The following MIA2 variants were observed in gnomAD, a reference collection of about 807,000 sequenced individuals.
MIA2 encodes the protein melanoma inhibitory activity protein 2.
MIA2 carries 127 observed loss-of-function variants against 167.8 expected under a neutral mutation model. That is an observed-to-expected ratio of 0.76 (90% CI 0.66 to 0.88). The LOEUF (loss-of-function observed/expected upper bound fraction) is 0.88, where lower values mean the gene tolerates loss of function less well. MIA2 is among the 40% of genes least tolerant of loss of function. The pLI, the probability that MIA2 is intolerant of heterozygous loss-of-function variation, is 0.00. For missense variants in MIA2, 1,690 were observed against 1,624.7 expected, an observed-to-expected ratio of 1.04 and a Z score of -0.69; for synonymous variants, 552 against 541.9, an observed-to-expected ratio of 1.02 and a Z score of -0.26.
chr14:39,279,502 A>G lies in MIA2; in HGVS notation c.2095A>G (p.Lys699Glu). Residue 699 changes from lysine (K) to glutamate (E), a missense_variant, in exon 9 of 29, where the codon AAA (lysine) becomes GAA (glutamate). By Grantham distance (56) the Lys-to-Glu change is moderately conservative. Transcript: ENST00000640607. ...TTCTGGACTAATTGAAGAAAAAAGT[A>G]AACTACTTGAAAAATTTAGCCTTGT... is the stretch of plus-strand genomic sequence containing the variant. ...MLSGLIEEKS[K>E]LLEKFSLVQK... The G allele has an allele frequency of 1.2e-6, 2 of 1,607,708 alleles. No individual in the cohort carries two copies. Among genetic ancestry groups the G allele is most frequent in the Non-Finnish European group, 1.7e-6 (2 of 1,178,688 alleles).
intron 4 of MIA2, among the ~76,000 whole-genome samples, chr14:39,250,103 A>G (rs1284832565): frequency 6.6e-6 from 1 of 152,236 alleles, no homozygotes; most frequent in Non-Finnish European, 1.5e-5. Flanking sequence ...ATCCTAAAGG[A>G]ATATTTATGA....
chr14:39,301,049 C>T (rs1012164736), intron 14 of MIA2, among the ~76,000 whole-genome samples: 17 of 4,950 alleles, frequency 3.4e-3, no homozygotes, highest in African/African-American at 5.0e-3. Context: ...TACACACACA[C>T]ACACACACAC....
At chr14:39,260,524 C>G (rs1566610722) in intron 6 of MIA2, among the ~76,000 whole-genome samples, 1 of 152,186 alleles carries the variant, frequency 6.6e-6, no homozygotes, top group African/African-American at 2.4e-5. Context: ...AGTGTCTGTT[C>G]ATATCCTTTG....
chr14:39,355,284 G>A (rs537071794), downstream of MIA2, among the ~76,000 whole-genome samples: 23 of 152,270 alleles, frequency 1.5e-4, no homozygotes, highest in Non-Finnish European at 2.6e-4. Flanking sequence ...TCCCTTGTAA[G>A]TTGGATTCCT....
chr14:39,355,056 C>T (rs1284587197), downstream of MIA2, among the ~76,000 whole-genome samples: 3 of 126,150 alleles, frequency 2.4e-5, no homozygotes, highest in South Asian at 8.2e-4. Context: ...TCTTTTGGTT[C>T]CATATGAACT....
chr14:39,249,510 A>G (rs715135), intron 4 of MIA2, among the ~76,000 whole-genome samples: 33,479 of 151,382 alleles, frequency 0.22, 3,790 homozygotes, highest in Middle Eastern at 0.31. Flanking sequence ...GTTTTCTTTA[A>G]GTTTCAAGGT....
chr14:39,262,969 A>T (rs1351021305), intron 6 of MIA2, among the ~76,000 whole-genome samples: 2 of 152,192 alleles, frequency 1.3e-5, no homozygotes, highest in Non-Finnish European at 2.9e-5. Context: ...AAACAGGGGC[A>T]ATTTGACTCC....
intron 20 of MIA2, among the ~76,000 whole-genome samples, 175 bp from the exon 21 acceptor site, chr14:39,315,508 G>C (rs1053649809): frequency 1.1e-4 from 16 of 152,138 alleles, no homozygotes; most frequent in Admixed American, 3.3e-4. Flanking sequence ...TTCAGTTTTT[G>C]TTTTAAAATA....
chr14:39,314,806 A>ATGTGTGTGTGTGTGTG lies in MIA2; in HGVS notation c.3180+8_3180+9insGTGTGTGTGTGTGTGT, dbSNP rs539446066. 3.0e-5 allele frequency: 41 copies of ATGTGTGTGTGTGTGTG among 1,387,668 alleles called. 1 individual carries two copies. Among genetic ancestry groups the ATGTGTGTGTGTGTGTG allele is most frequent in the South Asian group, 6.4e-5 (5 of 77,686 alleles). The allele number at this position is 1,387,668 out of a possible 1,614,324, so 86.0% of individuals were successfully genotyped here. On this transcript the variant is annotated splice_region_variant and intron_variant, in intron 20 of 28. Transcript: ENST00000640607. Reference sequence around the variant, plus strand: ...TCATTCTTATCAAGGGCAGGTATATATATATGTGTGTGTGTGTGTGTGTGT... The same window carrying ATGTGTGTGTGTGTGTG: ...TCATTCTTATCAAGGGCAGGTATATATGTGTGTGTGTGTGTGTATATGTGTGTGTGTGTGTGTGTGT...
intron 9 of MIA2, among the ~76,000 whole-genome samples, chr14:39,285,308 C>T (rs2059467129): frequency 6.6e-6 from 1 of 152,084 alleles, no homozygotes; most frequent in African/African-American, 2.4e-5. Context: ...AAGGGCTCCT[C>T]ACTTCCCAGA....
intron 9 of MIA2, among the ~76,000 whole-genome samples, chr14:39,280,953 CT>C (rs1230867514): frequency 8.3e-6 from 1 of 121,188 alleles, no homozygotes; most frequent in East Asian, 2.6e-4. Flanking sequence ...GCGTCTCTCT[CT>C]CTCTCTTGTC....
At chr14:39,387,773 A>C (rs944829963) in exon 24 of MIA2, 1 of 152,254 alleles carries the variant, frequency 6.6e-6, no homozygotes, top group African/African-American at 2.4e-5. Context: ...TGTCTCATTT[A>C]AGAAATTGCC....
intron 23 of MIA2, among the ~76,000 whole-genome samples, chr14:39,366,374 C>CTGGGCAGTGTGTGTATCA (rs2074822695): frequency 2.0e-5 from 3 of 152,136 alleles, no homozygotes; most frequent in African/African-American, 7.2e-5. Context: ...TGTTGTGCCC[C>CTGGGCAGTGTGTGTATCA]TGGGCAGTGT....
chr14:39,386,600 C>A, intron 23 of MIA2: 1 of 1,066,754 alleles, frequency 9.4e-7, no homozygotes, highest in Non-Finnish European at 1.4e-6. Flanking sequence ...AGTGGGCTTT[C>A]TTTTTTCTTT....
In MIA2 at chr14:39,318,027, G is replaced by A. The variant is rs778102145; in HGVS notation, c.3284+16G>A. 119 of 1,532,242 alleles carry A rather than the reference G, an allele frequency of 7.8e-5. No homozygotes were observed. Among genetic ancestry groups the A allele is most frequent in the Non-Finnish European group, 1.0e-4 (116 of 1,132,690 alleles). The allele number at this position is 1,532,242 out of a possible 1,614,324, so 94.9% of individuals were successfully genotyped here. On this transcript the variant is annotated intron_variant, in intron 22 of 28. Coordinates refer to ENST00000640607, the MANE Select transcript of MIA2 (RefSeq NM_001329214.4). ...ACAGACAAAAGTAAGTATCTTAGTG[G>A]GAACATTTAAAATTAGTTATTCTGT...
At chr14:39,240,525 T>G in intron 2 of MIA2, 36 bp from the exon 3 acceptor site, 2 of 1,510,128 alleles carry the variant, frequency 1.3e-6, no homozygotes, top group Non-Finnish European at 1.8e-6. Context: ...GCTTTGATCA[T>G]TCTTCCTCGA....
chr14:39,379,704 T>C (rs1476455500), intron 23 of MIA2, among the ~76,000 whole-genome samples: 2 of 151,844 alleles, frequency 1.3e-5, no homozygotes, highest in Non-Finnish European at 2.9e-5. Flanking sequence ...ATACAAAAAT[T>C]AGCCAAGCAT....
intron 23 of MIA2, chr14:39,370,375 G>A (rs17109160): frequency 0.021 from 4,838 of 227,688 alleles, 269 homozygotes; most frequent in African/African-American, 0.1. Flanking sequence ...CTCCCACCAG[G>A]TCCTCATTCT....
intron 6 of MIA2, among the ~76,000 whole-genome samples, chr14:39,271,922 G>A (rs184414499): frequency 3.9e-5 from 6 of 152,288 alleles, no homozygotes; most frequent in African/African-American, 1.4e-4. Context: ...CTACCAGAAG[G>A]CAGGAAAGTC....
Sources: gnomAD v4.1 joint callset for allele counts (sites outside exome capture counted in the v4.1 genomes callset) on GRCh38, gnomAD v4.1.1 for gene constraint, MANE v1.5 for transcripts, NCBI Gene and HGNC (gene_info 2026-07-23, HGNC 2026-07-21) for gene names.